The following KCTD8 variants were observed in gnomAD, a reference collection of about 807,000 sequenced individuals.
KCTD8 encodes the protein potassium channel tetramerization domain containing 8.
A neutral mutation model predicts 31.5 loss-of-function variants in KCTD8; 27 were observed. That is an observed-to-expected ratio of 0.86 (90% CI 0.63 to 1.18). KCTD8 has a LOEUF of 1.18. Among genes scored for constraint, KCTD8 ranks in the 50% most tolerant of loss-of-function variants. KCTD8 has a pLI of 0.00. For synonymous variants in KCTD8, 290 were observed against 280.0 expected (o/e 1.04, Z -0.36); for missense variants, 658 against 647.7 (o/e 1.02, Z -0.17).
chr4:44,236,806 G>C lies in KCTD8; in HGVS notation c.962-61556C>G, dbSNP rs79672788. 9.0e-3 allele frequency among the ~76,000 whole-genome samples: 1,372 copies of C among 152,264 alleles called. 18 individuals carry two copies. The highest frequency in any genetic ancestry group is 0.031 in the African/African-American group (1,283 of 41,544). On this transcript the variant is annotated intron_variant, in intron 1 of 1. Transcript: ENST00000360029. ...ATTGTCACTCCCATAATTACCACATGTTGTGGGAGGGAACAGATGGGAGAG... is the reference window on the plus strand; with the variant it reads ...ATTGTCACTCCCATAATTACCACATCTTGTGGGAGGGAACAGATGGGAGAG...
chr4:44,431,236 A>G (rs564163144), intron 1 of KCTD8, among the ~76,000 whole-genome samples: 7 of 151,664 alleles, frequency 4.6e-5, no homozygotes, highest in South Asian at 4.1e-4. Context: ...AAGTTCTGAT[A>G]CACCCCCATT....
chr4:44,250,571 C>A (rs995688833), intron 1 of KCTD8, among the ~76,000 whole-genome samples: 1 of 151,736 alleles, frequency 6.6e-6, no homozygotes, highest in Non-Finnish European at 1.5e-5. Context: ...CCCACGGGGT[C>A]TGATTCTGAA....
chr4:44,418,470 T>C (rs1374059021), intron 1 of KCTD8, among the ~76,000 whole-genome samples: 1 of 152,184 alleles, frequency 6.6e-6, no homozygotes, highest in Non-Finnish European at 1.5e-5. Context: ...GTTTTTATAG[T>C]CTTTTGTTTT....
At chr4:44,410,586 A>G (rs1368103124) in intron 1 of KCTD8, among the ~76,000 whole-genome samples, 1 of 152,140 alleles carries the variant, frequency 6.6e-6, no homozygotes, top group Non-Finnish European at 1.5e-5. Flanking sequence ...AATTTGCAAA[A>G]GACAGAGGCT....
intron 1 of KCTD8, among the ~76,000 whole-genome samples, chr4:44,197,444 C>T (rs1016584859): frequency 6.6e-6 from 1 of 152,100 alleles, no homozygotes; most frequent in South Asian, 2.1e-4. Flanking sequence ...TATCTCTCTC[C>T]CCCAACCACC....
At chr4:44,358,869 T>A (rs2109429173) in intron 1 of KCTD8, among the ~76,000 whole-genome samples, 1 of 152,338 alleles carries the variant, frequency 6.6e-6, no homozygotes, top group African/African-American at 2.4e-5. Context: ...CCATTCTAAC[T>A]GGCATGAGAT....
intron 1 of KCTD8, among the ~76,000 whole-genome samples, chr4:44,290,561 C>T (rs944986963): frequency 6.6e-6 from 1 of 152,052 alleles, no homozygotes; most frequent in African/African-American, 2.4e-5. Context: ...CATGCTGGGT[C>T]ATAAAGAAAG....
chr4:44,396,967 C>A (rs1046153859), intron 1 of KCTD8, among the ~76,000 whole-genome samples: 1 of 152,152 alleles, frequency 6.6e-6, no homozygotes, highest in Non-Finnish European at 1.5e-5. Context: ...GTATCACACT[C>A]CAAGAATGGC....
intron 1 of KCTD8, among the ~76,000 whole-genome samples, chr4:44,308,442 A>G (rs1174950368): frequency 6.6e-6 from 1 of 152,108 alleles, no homozygotes; most frequent in Non-Finnish European, 1.5e-5. Flanking sequence ...CTAATAATAA[A>G]CTATCAGAAA....
intron 1 of KCTD8, among the ~76,000 whole-genome samples, chr4:44,394,638 C>T (rs531971850): frequency 2.0e-5 from 3 of 152,032 alleles, no homozygotes; most frequent in East Asian, 1.9e-4. Context: ...GAATTCAAAT[C>T]GGATAATTTG....
intron 1 of KCTD8, among the ~76,000 whole-genome samples, chr4:44,327,748 A>T (rs997914080): frequency 6.6e-6 from 1 of 151,814 alleles, no homozygotes; most frequent in African/African-American, 2.4e-5. Context: ...TTGGGCACTC[A>T]ACATCTCTGT....
chr4:44,408,436 G>A (rs6817038), intron 1 of KCTD8, among the ~76,000 whole-genome samples: 3,239 of 152,186 alleles, frequency 0.021, 76 homozygotes, highest in African/African-American at 0.05. Flanking sequence ...TGAGATATCT[G>A]CTACATTTAA....
chr4:44,266,362 C>A (rs1291779245), intron 1 of KCTD8, among the ~76,000 whole-genome samples: 1 of 152,094 alleles, frequency 6.6e-6, no homozygotes, highest in Non-Finnish European at 1.5e-5. Context: ...TTGTCACCAC[C>A]AGGCCTGCCT....
intron 1 of KCTD8, among the ~76,000 whole-genome samples, chr4:44,421,139 G>A (rs887528194): frequency 6.6e-6 from 1 of 151,962 alleles, no homozygotes; most frequent in African/African-American, 2.4e-5. Flanking sequence ...GTCTCCATAC[G>A]ATTTGACTCC....
chr4:44,422,700 G>T (rs1057357629), intron 1 of KCTD8, among the ~76,000 whole-genome samples: 9 of 152,136 alleles, frequency 5.9e-5, no homozygotes, highest in Middle Eastern at 3.4e-3. Flanking sequence ...GGGCTAGATG[G>T]TTTAATTTGA....
intron 1 of KCTD8, among the ~76,000 whole-genome samples, chr4:44,403,742 A>C (rs1720720236): frequency 6.6e-6 from 1 of 152,178 alleles, no homozygotes; most frequent in Non-Finnish European, 1.5e-5. Flanking sequence ...TCATATTCTG[A>C]AGTATGGGGA....
At chr4:44,263,823 A>C (rs1358691687) in intron 1 of KCTD8, among the ~76,000 whole-genome samples, 1 of 152,104 alleles carries the variant, frequency 6.6e-6, no homozygotes, top group Non-Finnish European at 1.5e-5. Flanking sequence ...CAAATATCCA[A>C]AGGCAGCTGT....
chr4:44,209,752 T>C (rs1274159044), intron 1 of KCTD8, among the ~76,000 whole-genome samples: 1 of 152,122 alleles, frequency 6.6e-6, no homozygotes, highest in African/African-American at 2.4e-5. Flanking sequence ...TTTTCAGGAA[T>C]GGTAGGGCTT....
At position 44,324,048 on chromosome 4, in the gene KCTD8, A is replaced by AC. The variant is rs1553901457; in HGVS notation, c.961+123514_961+123515insG. Among the ~76,000 whole-genome samples the AC allele has an allele frequency of 1.2e-3, 157 of 133,570 alleles. 1 individual carries two copies. Among genetic ancestry groups the AC allele is most frequent in the East Asian group, 3.8e-3 (15 of 3,898 alleles). 87.6% of individuals were successfully genotyped at this position (133,570 alleles called of 152,430 possible). A position where few individuals can be genotyped will look rare whatever the true frequency, so the allele number is the denominator to read the frequency against. ...CCCTAAAACTTAAAGTATAATTAAA[A>AC]AAAAAAAAACAAAACAAAACAAAAC... On this transcript the variant is annotated intron_variant, in intron 1 of 1. Coordinates refer to ENST00000360029, the MANE Select transcript of KCTD8 (RefSeq NM_198353.3).
Sources: gnomAD v4.1 joint callset for allele counts (sites outside exome capture counted in the v4.1 genomes callset) on GRCh38, gnomAD v4.1.1 for gene constraint, MANE v1.5 for transcripts, NCBI Gene and HGNC (gene_info 2026-07-23, HGNC 2026-07-21) for gene names.